Variants in WDR49 observed in about 807,000 individuals in gnomAD.
WDR49 encodes the protein cilia- and flagella-associated protein 337.
WDR49 carries 107 observed loss-of-function variants against 119.5 expected under a neutral mutation model. That is an observed-to-expected ratio of 0.90 (90% confidence interval 0.77 to 1.05). WDR49 has a LOEUF of 1.05. Ranked by LOEUF, WDR49 falls within the 50% of genes least tolerant of loss-of-function variation. The pLI, the probability that WDR49 is intolerant of heterozygous loss-of-function variation, is 0.00. For synonymous variants in WDR49, 425 were observed against 418.8 expected, an observed-to-expected ratio of 1.01 and a Z score of -0.18; for missense variants, 1,240 against 1,220.5, an observed-to-expected ratio of 1.02 and a Z score of -0.24.
intron 11 of WDR49, among the ~76,000 whole-genome samples, chr3:167,533,770 C>T (rs918316995): frequency 6.6e-6 from 1 of 151,976 alleles, no homozygotes; most frequent in Non-Finnish European, 1.5e-5. Flanking sequence ...GCAGCAACGC[C>T]CAGACCATTG....
chr3:167,529,033 A>G lies in WDR49; in HGVS notation c.2406+19T>C. 6.5e-7 allele frequency: 1 copy of G among 1,531,364 alleles called. No individual in the cohort carries two copies. Among genetic ancestry groups the G allele is most frequent in the South Asian group, 1.3e-5 (1 of 75,128 alleles). 94.9% of individuals were successfully genotyped at this position (1,531,364 alleles called of 1,614,324 possible). On this transcript the variant is annotated intron_variant, in intron 14 of 18. Transcript: ENST00000682715. The stretch of plus-strand genomic sequence containing the variant: ...CACCAAAAATCTTAAAGGTAATGTG[A>G]TAATGTTTTTCAATTTACCTCTATA...
chr3:167,519,887 A>T (rs1752371016), intron 16 of WDR49, among the ~76,000 whole-genome samples: 1 of 152,184 alleles, frequency 6.6e-6, no homozygotes. Flanking sequence ...AAATGAAGTC[A>T]GGAAAGAAGA....
chr3:167,648,502 CA>C (rs1460042567), intron 2 of WDR49, among the ~76,000 whole-genome samples: 1 of 152,118 alleles, frequency 6.6e-6, no homozygotes, highest in African/African-American at 2.4e-5. Context: ...AGACAGAACA[CA>C]AAATACAATT....
At chr3:167,487,175 A>C (rs1683568559) in intron 18 of WDR49, among the ~76,000 whole-genome samples, 1 of 152,080 alleles carries the variant, frequency 6.6e-6, no homozygotes, top group Admixed American at 6.6e-5. Flanking sequence ...TGACACAAAA[A>C]CAAACACATA....
intron 16 of WDR49, among the ~76,000 whole-genome samples, chr3:167,517,685 T>C (rs1235483142): frequency 6.6e-6 from 1 of 151,938 alleles, no homozygotes; most frequent in Non-Finnish European, 1.5e-5. Context: ...TATTTTTTTT[T>C]TCCGTTTTTA....
In WDR49 at chr3:167,554,717, G is replaced by T; in HGVS notation, c.1756C>A (p.Leu586Ile). The T allele has an allele frequency of 6.2e-7, 1 of 1,613,240 alleles. No individual in the cohort carries two copies. Among genetic ancestry groups the T allele is most frequent in the Non-Finnish European group, 8.5e-7 (1 of 1,179,592 alleles). Residue 586 changes from leucine to isoleucine, a missense_variant, in exon 10 of 19, where the codon CTT (leucine) becomes ATT (isoleucine). Coordinates refer to ENST00000682715, the MANE Select transcript of WDR49 (RefSeq NM_001366157.1). ...CCTGTAACCAGTATTTTCTTCTTAAGAATGAGGATTTGTGAAATATCCACA... is the reference window on the plus strand; with the variant it reads ...CCTGTAACCAGTATTTTCTTCTTAATAATGAGGATTTGTGAAATATCCACA... ...GAVDISQILI[L>I]KKKILVTGWE...
chr3:167,532,007 C>A (rs953153374), intron 12 of WDR49, among the ~76,000 whole-genome samples: 1 of 152,126 alleles, frequency 6.6e-6, no homozygotes, highest in East Asian at 1.9e-4. Flanking sequence ...TTCCAACCTC[C>A]TCATGGCAAG....
intron 2 of WDR49, among the ~76,000 whole-genome samples, chr3:167,627,954 G>A (rs1048374913): frequency 6.6e-6 from 1 of 151,806 alleles, no homozygotes; most frequent in African/African-American, 2.4e-5. Flanking sequence ...GTCACATTCT[G>A]GTAATTCTTA....
intron 7 of WDR49, among the ~76,000 whole-genome samples, chr3:167,595,562 T>TGC (rs1715377030): frequency 6.6e-6 from 1 of 152,028 alleles, no homozygotes; most frequent in Non-Finnish European, 1.5e-5. Flanking sequence ...AGAAATAACA[T>TGC]TGCATATCTA....
intron 16 of WDR49, among the ~76,000 whole-genome samples, chr3:167,505,874 A>G (rs999643807): frequency 3.3e-5 from 5 of 152,212 alleles, no homozygotes; most frequent in African/African-American, 9.7e-5. Context: ...GCTTTCTCAT[A>G]TGAATCTATA....
In WDR49 at chr3:167,488,650, T is replaced by G. The variant is rs1235741695; in HGVS notation, c.3032-9654A>C. ...CTTCTTGCCTCCCTGGCCACATAAC[T>G]TATTTAGAATCCTGGACAGTAGTTT... On this transcript the variant is annotated intron_variant, in intron 18 of 18. Transcript: ENST00000682715. Among the ~76,000 whole-genome samples the G allele has an allele frequency of 2.0e-5, 3 of 152,090 alleles. No homozygotes were observed. The South Asian group carries it at 6.2e-4, about 31-fold the overall frequency.
intron 8 of WDR49, among the ~76,000 whole-genome samples, chr3:167,561,464 T>C (rs1186468629): frequency 6.6e-6 from 1 of 152,188 alleles, no homozygotes; most frequent in East Asian, 1.9e-4. Flanking sequence ...GCCTGACCTA[T>C]GACCTGCTGG....
intron 14 of WDR49, among the ~76,000 whole-genome samples, chr3:167,528,356 G>C (rs1752711359): frequency 6.6e-6 from 1 of 151,794 alleles, no homozygotes. Context: ...AGAAAATTGA[G>C]CAGGTAATCA....
intron 18 of WDR49, among the ~76,000 whole-genome samples, chr3:167,487,905 A>C (rs2108195037): frequency 6.6e-6 from 1 of 152,212 alleles, no homozygotes; most frequent in Middle Eastern, 3.4e-3. Context: ...AGAAAAGGGA[A>C]GGCTTATACA....
chr3:167,598,211 A>G lies in WDR49; in HGVS notation c.1275+3916T>C, dbSNP rs565421905. Among the ~76,000 whole-genome samples, 13 of 152,196 alleles carry G rather than the reference A, an allele frequency of 8.5e-5. No individual in the cohort carries two copies. The South Asian group carries it at 2.5e-3, about 29-fold the overall frequency. On this transcript the variant is annotated intron_variant, in intron 7 of 18. Transcript: ENST00000682715. ...TCTCAGCTACTCTGGAGACTGAGGT[A>G]GGAGAATTGCTCGAACCTAGGAGGC...
chr3:167,534,901 T>C (rs1164269510), intron 11 of WDR49, among the ~76,000 whole-genome samples: 1 of 152,202 alleles, frequency 6.6e-6, no homozygotes, highest in Non-Finnish European at 1.5e-5. Context: ...TATGTTCACA[T>C]TATGAAACAT....
intron 18 of WDR49, among the ~76,000 whole-genome samples, chr3:167,482,304 T>C (rs532065619): frequency 1.5e-4 from 23 of 152,178 alleles, no homozygotes; most frequent in African/African-American, 5.5e-4. Flanking sequence ...ATCCAAAAAC[T>C]ATAAATGGTG....
intron 15 of WDR49, among the ~76,000 whole-genome samples, chr3:167,527,220 T>C (rs914306886): frequency 1.3e-4 from 20 of 152,154 alleles, no homozygotes; most frequent in African/African-American, 4.8e-4. Context: ...AAACTCTCTG[T>C]GCCTCTGTTT....
At chr3:167,489,406 C>A (rs775580401) in intron 18 of WDR49, among the ~76,000 whole-genome samples, 2 of 152,064 alleles carry the variant, frequency 1.3e-5, no homozygotes, top group African/African-American at 2.4e-5. Context: ...ATCCATTTAA[C>A]CACAACCAAG....
Sources: allele counts gnomAD v4.1 joint callset (sites outside exome capture counted in the v4.1 genomes callset), GRCh38; gene constraint gnomAD v4.1.1; transcripts MANE v1.5; gene names NCBI Gene and HGNC (gene_info 2026-07-23, HGNC 2026-07-21).